DENND4C: variants seen among roughly 807,000 people sequenced by gnomAD.
The protein encoded by DENND4C is DENN domain containing 4C.
In DENND4C, 108 loss-of-function variants were observed where a neutral mutation model predicts 203.0. That is an observed-to-expected ratio of 0.53 (90% CI 0.46 to 0.62). The LOEUF (loss-of-function observed/expected upper bound fraction) is 0.62, where lower values mean the gene tolerates loss of function less well. Among genes scored for constraint, DENND4C ranks in the 20% least tolerant of loss-of-function variants. The probability of loss-of-function intolerance (pLI) is 0.00; values close to 1 mark genes in which losing one functional copy is unlikely to be tolerated. For synonymous variants in DENND4C, 871 were observed against 792.4 expected, an observed-to-expected ratio of 1.10 and a Z score of -1.67; for missense variants, 2,481 against 2,301.2, an observed-to-expected ratio of 1.08 and a Z score of -1.60.
chr9:19,369,721 C>G, intron 30 of DENND4C, 116 bp from the exon 31 acceptor site: 1 of 560,576 alleles, frequency 1.8e-6, no homozygotes, highest in Non-Finnish European at 2.5e-6. Context: ...GAGCCATGAT[C>G]ACATCACTGC....
At chr9:19,344,686 G>A (rs1485269130) in intron 22 of DENND4C, among the ~76,000 whole-genome samples, 3 of 151,970 alleles carry the variant, frequency 2.0e-5, no homozygotes, top group African/African-American at 4.8e-5. Flanking sequence ...ATTTTTTTGC[G>A]GAGACAGGGT....
At position 19,372,186 on chromosome 9, in the gene DENND4C, T is replaced by C. The variant is rs930052633; in HGVS notation, c.*13T>C. 6.2e-6 allele frequency: 10 copies of C among 1,600,480 alleles called. No individual in the cohort carries two copies. The highest frequency in any genetic ancestry group is 8.5e-6 in the Non-Finnish European group (10 of 1,174,532). On this transcript the variant is annotated 3_prime_UTR_variant, in exon 33 of 33. Coordinates refer to ENST00000434457, the MANE Select transcript of DENND4C (RefSeq NM_001330640.2). ...GCCTCTCATTTAAATAGAGATTCAC[T>C]AGAATGTTGACACACAAGGCTTGGG...
chr9:19,341,300 T>C, intron 21 of DENND4C, among the ~76,000 whole-genome samples, 186 bp downstream of exon 21: 1 of 145,094 alleles, frequency 6.9e-6, no homozygotes, highest in East Asian at 2.0e-4. Context: ...TTAAGAGAAC[T>C]TTCTTTCTTT....
chr9:19,259,620 CTT>C (rs1828870592), intron 1 of DENND4C, among the ~76,000 whole-genome samples: 1 of 151,692 alleles, frequency 6.6e-6, no homozygotes, highest in Non-Finnish European at 1.5e-5. Context: ...TTTCTCCTGC[CTT>C]AGCCTCCCGA....
At chr9:19,247,443 C>T (rs915135303) in intron 1 of DENND4C, among the ~76,000 whole-genome samples, 6 of 152,224 alleles carry the variant, frequency 3.9e-5, no homozygotes, top group East Asian at 1.9e-4. Flanking sequence ...TCACCCAGGC[C>T]GAAATACAGT....
intron 13 of DENND4C, 47 bp downstream of exon 13, chr9:19,324,554 T>A: frequency 1.3e-6 from 2 of 1,560,194 alleles, no homozygotes; most frequent in Non-Finnish European, 1.7e-6. Context: ...AAGTTTGCCT[T>A]ACCTGTGTAA....
Position 19,248,803 on chromosome 9 carries a change from G to GT in DENND4C, c.-18+17982dup, listed in dbSNP as rs34741630. ...TTTACTTTTCTTCATAGCACCTATG[G>GT]TTTTTTTTTTTTGAGACCAAGTCTT... On this transcript the variant is annotated intron_variant, in intron 1 of 32. Coordinates refer to ENST00000434457, the MANE Select transcript of DENND4C (RefSeq NM_001330640.2). Among the ~76,000 whole-genome samples the GT allele has an allele frequency of 5.3e-4, 78 of 146,996 alleles. 1 individual carries two copies. Among genetic ancestry groups the GT allele is most frequent in the African/African-American group, 1.1e-3 (45 of 40,162 alleles).
chr9:19,324,577 T>C (rs1843414845), intron 13 of DENND4C, 70 bp downstream of exon 13: 4 of 1,485,318 alleles, frequency 2.7e-6, no homozygotes, highest in Non-Finnish European at 2.8e-6. Flanking sequence ...ATCATTGTTA[T>C]TGTTAGTCTA....
At chr9:19,354,014 C>G (rs1305244443) in intron 26 of DENND4C, among the ~76,000 whole-genome samples, 1 of 152,188 alleles carries the variant, frequency 6.6e-6, no homozygotes, top group Non-Finnish European at 1.5e-5. Flanking sequence ...CAAGGGCCCT[C>G]TCGTGTTTAT....
At chr9:19,348,882 C>T (rs867950039) in intron 23 of DENND4C, among the ~76,000 whole-genome samples, 29 of 152,242 alleles carry the variant, frequency 1.9e-4, no homozygotes, top group Middle Eastern at 3.4e-3. Context: ...AGGGATGGCT[C>T]ACTGTAGCCT....
At position 19,316,712 on chromosome 9, in the gene DENND4C, G is replaced by A. The variant is rs1454893283; in HGVS notation, c.1680G>A (p.Met560Ile). ...SWQKKMTQLE[M>I]EIQEAFLRFM... ...AAAAGAAGATGACACAGCTTGAGAT[G>A]GAAATTCAAGAGGCATTTTTGCGCT... The change falls in exon 12 of 33, where the codon ATG becomes ATA. Residue 560 changes from methionine to isoleucine, a missense_variant. Around this residue, in one of 3 missense-constraint regions of DENND4C, gnomAD observed 2,289 missense variants for 2,113.3 expected, o/e 1.08. Transcript: ENST00000434457. The A allele has an allele frequency of 1.9e-6, 3 of 1,614,088 alleles. No individual in the cohort carries two copies. The highest frequency in any genetic ancestry group is 2.5e-6 in the Non-Finnish European group (3 of 1,179,992).
intron 30 of DENND4C, 55 bp from the exon 31 acceptor site, chr9:19,369,782 A>AT: frequency 9.4e-7 from 1 of 1,064,000 alleles, no homozygotes; most frequent in Non-Finnish European, 1.2e-6. Context: ...AAAAAAAATA[A>AT]TAATAATAAT....
At chr9:19,352,969 A>G (rs533680626) in intron 26 of DENND4C, among the ~76,000 whole-genome samples, 5 of 152,230 alleles carry the variant, frequency 3.3e-5, no homozygotes, top group African/African-American at 1.2e-4. Context: ...CCCTGTCTCT[A>G]CAAAAGATTT....
At chr9:19,253,218 A>G (rs1410554551) in intron 1 of DENND4C, among the ~76,000 whole-genome samples, 1 of 152,256 alleles carries the variant, frequency 6.6e-6, no homozygotes, top group Non-Finnish European at 1.5e-5. Context: ...TTAAAAAGGT[A>G]GAAAGGAAGC....
At chr9:19,319,159 C>G (rs1278437310) in intron 12 of DENND4C, among the ~76,000 whole-genome samples, 1 of 144,222 alleles carries the variant, frequency 6.9e-6, no homozygotes, top group African/African-American at 2.6e-5. Flanking sequence ...AGTGAAACTT[C>G]ATCTCAAAAA....
chr9:19,283,163 A>AT (rs34362623), intron 2 of DENND4C, among the ~76,000 whole-genome samples: 29 of 150,556 alleles, frequency 1.9e-4, no homozygotes, highest in African/African-American at 4.4e-4. Context: ...CTGTGCCTGG[A>AT]TTTTTTTTTT....
intron 18 of DENND4C, 130 bp from the exon 19 acceptor site, chr9:19,336,140 C>A: frequency 1.3e-6 from 1 of 749,328 alleles, no homozygotes; most frequent in South Asian, 3.8e-5. Flanking sequence ...TTTTAATATA[C>A]CTCTTGGCCA....
At chr9:19,305,592 T>G in intron 10 of DENND4C, 65 bp downstream of exon 10, 12 of 1,469,914 alleles carry the variant, frequency 8.2e-6, no homozygotes, top group Non-Finnish European at 1.1e-5. Context: ...TACAGTTCTT[T>G]GAAAGCATCT....
chr9:19,291,049 T>G (rs935913605), intron 5 of DENND4C, among the ~76,000 whole-genome samples, 173 bp downstream of exon 5: 2 of 152,224 alleles, frequency 1.3e-5, no homozygotes, highest in African/African-American at 2.4e-5. Flanking sequence ...TATCAGGATA[T>G]TGATACCTCT....
Sources: gnomAD v4.1 joint callset for allele counts (sites outside exome capture counted in the v4.1 genomes callset) on GRCh38, gnomAD v4.1.1 for gene constraint, gnomAD v4.1.1 regional missense constraint, MANE v1.5 for transcripts, NCBI Gene and HGNC (gene_info 2026-07-23, HGNC 2026-07-21) for gene names.